GRM8: variants seen among roughly 807,000 people sequenced by gnomAD.
GRM8 encodes glutamate metabotropic receptor 8.
A neutral mutation model predicts 87.2 loss-of-function variants in GRM8; 47 were observed. The observed-to-expected ratio is 0.54, with a 90% CI of 0.43 to 0.69. GRM8 has a LOEUF of 0.69. Ranked by LOEUF, GRM8 falls within the 30% of genes least tolerant of loss-of-function variation. The pLI is 0.00. For missense variants in GRM8, 1,019 were observed against 1,139.2 expected (o/e 0.89, Z 1.52); for synonymous variants, 396 against 404.5 (o/e 0.98, Z 0.25).
chr7:127,097,586 C>T (rs1272270385), intron 3 of GRM8, among the ~76,000 whole-genome samples: 1 of 152,114 alleles, frequency 6.6e-6, no homozygotes, highest in African/African-American at 2.4e-5. Context: ...TTTGTTATGC[C>T]TTTTGGGGGA....
At chr7:126,896,048 C>A (rs1051237991) in intron 6 of GRM8, among the ~76,000 whole-genome samples, 4 of 149,788 alleles carry the variant, frequency 2.7e-5, no homozygotes, top group African/African-American at 9.9e-5. Context: ...TAAAAGAAAC[C>A]AGGATCCTGG....
intron 7 of GRM8, among the ~76,000 whole-genome samples, chr7:126,621,930 G>A (rs550165537): frequency 1.3e-5 from 2 of 152,150 alleles, no homozygotes; most frequent in East Asian, 3.9e-4. Flanking sequence ...TCGCTCCCAT[G>A]ATAGTGACTC....
At chr7:127,074,817 C>T (rs948904427) in intron 3 of GRM8, among the ~76,000 whole-genome samples, 1 of 152,170 alleles carries the variant, frequency 6.6e-6, no homozygotes, top group African/African-American at 2.4e-5. Flanking sequence ...GTGCCTTCCT[C>T]CTGCCACAGC....
chr7:127,198,521 G>C (rs1795412407), intron 2 of GRM8, among the ~76,000 whole-genome samples: 1 of 152,170 alleles, frequency 6.6e-6, no homozygotes, highest in South Asian at 2.1e-4. Flanking sequence ...TGCATAGTAA[G>C]CCCTCAATAA....
chr7:126,857,388 C>T (rs910790424), intron 6 of GRM8, among the ~76,000 whole-genome samples: 1 of 152,212 alleles, frequency 6.6e-6, no homozygotes, highest in East Asian at 1.9e-4. Context: ...GGGTAGAAGA[C>T]ATGTCTCAAC....
intron 6 of GRM8, among the ~76,000 whole-genome samples, chr7:126,829,263 C>T (rs1339727372): frequency 8.3e-5 from 12 of 144,702 alleles, no homozygotes; most frequent in Non-Finnish European, 1.8e-4. Flanking sequence ...TCCTTGTTAA[C>T]TTTCTGTCTC....
chr7:126,592,475 C>T (rs974522173), intron 8 of GRM8, among the ~76,000 whole-genome samples: 8 of 152,024 alleles, frequency 5.3e-5, no homozygotes, highest in African/African-American at 1.9e-4. Context: ...GATGGTTCAA[C>T]ATATGTAAAT....
At chr7:126,804,596 A>G (rs1255124176) in intron 6 of GRM8, among the ~76,000 whole-genome samples, 1 of 152,214 alleles carries the variant, frequency 6.6e-6, no homozygotes, top group Non-Finnish European at 1.5e-5. Context: ...AAGAAAATCT[A>G]GTTATAATTC....
chr7:126,467,895 C>A (rs972435831), intron 9 of GRM8, among the ~76,000 whole-genome samples: 2 of 151,982 alleles, frequency 1.3e-5, no homozygotes, highest in Non-Finnish European at 2.9e-5. Flanking sequence ...ATTTACCATT[C>A]TCAGAACATA....
In GRM8 at chr7:126,772,589, C is replaced by T. The variant is rs371163416; in HGVS notation, c.1157-2524G>A. Among the ~76,000 whole-genome samples, 9 of 152,210 alleles carry T rather than the reference C, an allele frequency of 5.9e-5. 1 individual carries two copies. The South Asian group carries it at 6.2e-4, about 11-fold the overall frequency. ...TTTAGGAAATTTCTGCTCTTCCATA[C>T]AGCAATCCTCAAAAATACCACTATA... On this transcript the variant is annotated intron_variant, in intron 6 of 10. Transcript: ENST00000339582.
chr7:126,943,317 C>G (rs1304775696), intron 3 of GRM8, among the ~76,000 whole-genome samples: 2 of 152,176 alleles, frequency 1.3e-5, no homozygotes, highest in African/African-American at 4.8e-5. Flanking sequence ...TTTTCTCTCT[C>G]CACTACCCAG....
intron 2 of GRM8, among the ~76,000 whole-genome samples, chr7:127,154,014 A>C (rs533520672): frequency 1.3e-5 from 2 of 152,080 alleles, no homozygotes; most frequent in African/African-American, 4.8e-5. Context: ...ATGGCTGCCC[A>C]GTCACCTCTG....
rs528042004 is a variant in GRM8 at position 126,615,138 on chromosome 7, C to T, written c.1358-5640G>A. Among the ~76,000 whole-genome samples the T allele has an allele frequency of 4.6e-4, 70 of 152,256 alleles. 1 individual carries two copies. The highest frequency in any genetic ancestry group is 1.6e-3 in the African/African-American group (68 of 41,516). ...GCAGCCAGAGAGAAATGTAGGGTTACCCACAAAGGGAAACCAATTAGACTA... is the reference window on the plus strand; with the variant it reads ...GCAGCCAGAGAGAAATGTAGGGTTATCCACAAAGGGAAACCAATTAGACTA... On this transcript the variant is annotated intron_variant, in intron 7 of 10. Transcript: ENST00000339582.
chr7:126,637,374 T>C (rs1490289217), intron 7 of GRM8, among the ~76,000 whole-genome samples: 1 of 152,122 alleles, frequency 6.6e-6, no homozygotes, highest in African/African-American at 2.4e-5. Flanking sequence ...AGATGAGTAG[T>C]AGTGATGGTT....
intron 7 of GRM8, among the ~76,000 whole-genome samples, chr7:126,699,088 A>G (rs531372765): frequency 6.6e-6 from 1 of 152,282 alleles, no homozygotes; most frequent in South Asian, 2.1e-4. Flanking sequence ...CTAGACCCTG[A>G]GGGACTTTTA....
intron 10 of GRM8, 75 bp downstream of exon 10, chr7:126,446,048 TAGG>T: frequency 6.5e-7 from 1 of 1,549,906 alleles, no homozygotes; most frequent in Non-Finnish European, 8.9e-7. Flanking sequence ...TCCCCAAGAC[TAGG>T]AGAAGAATGT....
intron 2 of GRM8, among the ~76,000 whole-genome samples, chr7:127,207,593 A>G (rs1795985267): frequency 6.6e-6 from 1 of 152,168 alleles, no homozygotes; most frequent in African/African-American, 2.4e-5. Context: ...ACTATTCCAT[A>G]GATGATGAGA....
chr7:126,885,729 G>T (rs1800428342), intron 6 of GRM8, among the ~76,000 whole-genome samples: 1 of 152,034 alleles, frequency 6.6e-6, no homozygotes, highest in African/African-American at 2.4e-5. Flanking sequence ...TTAAATTTTT[G>T]AATACATTTA....
intron 7 of GRM8, among the ~76,000 whole-genome samples, chr7:126,618,912 T>C (rs1358650826): frequency 6.6e-6 from 1 of 152,180 alleles, no homozygotes; most frequent in Non-Finnish European, 1.5e-5. Context: ...AGGAACACTT[T>C]TACACTGTTG....
Sources: allele counts gnomAD v4.1 joint callset (sites outside exome capture counted in the v4.1 genomes callset), GRCh38; gene constraint gnomAD v4.1.1; transcripts MANE v1.5; gene names NCBI Gene and HGNC (gene_info 2026-07-23, HGNC 2026-07-21).